TPRG1: variants seen among roughly 807,000 people sequenced by gnomAD.
TPRG1 encodes tumor protein p63 regulated 1, also known as tumor protein p63-regulated gene 1 protein.
TPRG1 carries 29 observed loss-of-function variants against 29.3 expected under a neutral mutation model. The observed-to-expected ratio is 0.99, with a 90% CI of 0.74 to 1.35. The LOEUF (loss-of-function observed/expected upper bound fraction) is 1.35. Among genes scored for constraint, TPRG1 ranks in the 40% most tolerant of loss-of-function variants. The probability of loss-of-function intolerance (pLI) is 0.00; values close to 1 mark genes in which losing one functional copy is unlikely to be tolerated. For synonymous variants in TPRG1, 130 were observed against 116.8 expected, an observed-to-expected ratio of 1.11 and a Z score of -0.73; for missense variants, 327 against 335.0, an observed-to-expected ratio of 0.98 and a Z score of 0.19.
chr3:189,296,092 A>G (rs1719874349), intron 4 of TPRG1, among the ~76,000 whole-genome samples: 4 of 152,186 alleles, frequency 2.6e-5, no homozygotes. Flanking sequence ...TGGTCTTACC[A>G]GGACAGAACA....
At chr3:189,127,464 A>G (rs1004360873) in intron 2 of TPRG1, among the ~76,000 whole-genome samples, 3 of 152,348 alleles carry the variant, frequency 2.0e-5, no homozygotes, top group Non-Finnish European at 2.9e-5. Context: ...AGTGTATATT[A>G]TAACCAATGT....
chr3:189,225,638 C>G (rs1737611477), intron 3 of TPRG1, among the ~76,000 whole-genome samples: 1 of 148,660 alleles, frequency 6.7e-6, no homozygotes, highest in Non-Finnish European at 1.5e-5. Flanking sequence ...CTGTTAGGAG[C>G]AAACATGCCG....
At chr3:189,317,779 A>G (rs538059717) in intron 5 of TPRG1, among the ~76,000 whole-genome samples, 15 of 152,210 alleles carry the variant, frequency 9.9e-5, no homozygotes, top group Non-Finnish European at 1.5e-4. Flanking sequence ...TTACAAAGGT[A>G]TATAAAATGT....
chr3:189,126,087 A>G (rs1722455396), intron 1 of TPRG1, among the ~76,000 whole-genome samples: 1 of 152,110 alleles, frequency 6.6e-6, no homozygotes, highest in Non-Finnish European at 1.5e-5. Flanking sequence ...CAGCATCATT[A>G]TAGATAATAA....
At chr3:189,192,075 C>A (rs1731778628) in intron 1 of TPRG1, among the ~76,000 whole-genome samples, 1 of 152,148 alleles carries the variant, frequency 6.6e-6, no homozygotes, top group Non-Finnish European at 1.5e-5. Flanking sequence ...ACCCATGGAG[C>A]CCAGTCATAG....
chr3:189,302,743 A>G (rs1721030544), intron 4 of TPRG1, among the ~76,000 whole-genome samples: 2 of 152,242 alleles, frequency 1.3e-5, no homozygotes, highest in Admixed American at 1.3e-4. Flanking sequence ...TTTAAATGGC[A>G]TCTGAGAAAA....
At chr3:189,234,258 G>A (rs1739107207) in intron 3 of TPRG1, among the ~76,000 whole-genome samples, 1 of 152,124 alleles carries the variant, frequency 6.6e-6, no homozygotes, top group Admixed American at 6.6e-5. Flanking sequence ...GGAATAGACA[G>A]CATTTAAGCT....
At chr3:189,248,510 A>G (rs78348464) in intron 4 of TPRG1, among the ~76,000 whole-genome samples, 13,885 of 151,266 alleles carry the variant, frequency 0.092, 841 homozygotes, top group East Asian at 0.16. Flanking sequence ...TTGTATATAT[A>G]TATCTTGCAT....
intron 4 of TPRG1, among the ~76,000 whole-genome samples, chr3:189,086,721 G>T (rs748718449): frequency 6.6e-6 from 1 of 152,030 alleles, no homozygotes; most frequent in African/African-American, 2.4e-5. Flanking sequence ...TAGACACAGG[G>T]TTTCTCCATG....
intron 4 of TPRG1, among the ~76,000 whole-genome samples, chr3:189,049,237 A>G (rs940637152): frequency 2.6e-5 from 4 of 152,188 alleles, no homozygotes; most frequent in Admixed American, 2.6e-4. Context: ...GGAGGCAGAT[A>G]GCCTCAGGCA....
chr3:189,299,063 TTTTTTC>T (rs1232478433), intron 4 of TPRG1, among the ~76,000 whole-genome samples: 2 of 111,626 alleles, frequency 1.8e-5, no homozygotes, highest in African/African-American at 1.0e-4. Context: ...TGGGTTTTTT[TTTTTTC>T]TGAGAATTTT....
chr3:189,098,087 G>A (rs1212911868), upstream of TPRG1, among the ~76,000 whole-genome samples: 1 of 152,220 alleles, frequency 6.6e-6, no homozygotes, highest in Admixed American at 6.5e-5. Flanking sequence ...TCAGGGGCCA[G>A]TGACCTAGTC....
At chr3:189,278,083 T>G (rs1345745113) in intron 4 of TPRG1, among the ~76,000 whole-genome samples, 1 of 152,202 alleles carries the variant, frequency 6.6e-6, no homozygotes, top group Non-Finnish European at 1.5e-5. Context: ...TCCAGAGGAC[T>G]TCCACTCCTA....
chr3:189,165,884 A>G (rs532908360), intron 5 of TPRG1, among the ~76,000 whole-genome samples: 1 of 152,296 alleles, frequency 6.6e-6, no homozygotes, highest in East Asian at 1.9e-4. Flanking sequence ...CTCTTAGGCT[A>G]CAGGAACAGA....
chr3:189,090,270 A>G (rs1175833479), intron 4 of TPRG1, among the ~76,000 whole-genome samples: 2 of 152,092 alleles, frequency 1.3e-5, no homozygotes, highest in Non-Finnish European at 2.9e-5. Context: ...CAATATTTTC[A>G]GGTGGATTGT....
chr3:189,301,575 T>C (rs1720847030), intron 4 of TPRG1, among the ~76,000 whole-genome samples: 1 of 152,088 alleles, frequency 6.6e-6, no homozygotes, highest in African/African-American at 2.4e-5. Flanking sequence ...CCTCCATTTT[T>C]TTTCTTCTTC....
intron 4 of TPRG1, among the ~76,000 whole-genome samples, chr3:189,089,012 C>T (rs913702941): frequency 7.0e-6 from 1 of 143,264 alleles, no homozygotes; most frequent in East Asian, 2.0e-4. Context: ...ATCTATCTAT[C>T]TATGTATCAT....
At chr3:189,192,899 TCTGG>T (rs368113613) in intron 1 of TPRG1, among the ~76,000 whole-genome samples, 18 of 152,264 alleles carry the variant, frequency 1.2e-4, no homozygotes, top group African/African-American at 4.3e-4. Context: ...TTTTAGTTTG[TCTGG>T]GAAATACTTT....
At chr3:189,273,450 C>T (rs1298554250) in intron 4 of TPRG1, among the ~76,000 whole-genome samples, 2 of 152,184 alleles carry the variant, frequency 1.3e-5, no homozygotes, top group East Asian at 1.9e-4. Context: ...TTCCCATCCT[C>T]ACTAGGCTAA....
Sources: gnomAD v4.1 joint callset for allele counts (sites outside exome capture counted in the v4.1 genomes callset) on GRCh38, gnomAD v4.1.1 for gene constraint, MANE v1.5 for transcripts, NCBI Gene and HGNC (gene_info 2026-07-23, HGNC 2026-07-21) for gene names.